The following USP47 variants were observed in gnomAD, a reference collection of about 807,000 sequenced individuals.
The protein encoded by USP47 is ubiquitin specific peptidase 47, also known as ubiquitin carboxyl-terminal hydrolase 47.
In USP47, 35 loss-of-function variants were observed where a neutral mutation model predicts 165.1. The observed-to-expected ratio is 0.21, with a 90% CI of 0.16 to 0.28. The LOEUF (loss-of-function observed/expected upper bound fraction) is 0.28. USP47 is among the 10% of genes least tolerant of loss of function. The probability of loss-of-function intolerance (pLI) is 1.00; values close to 1 mark genes in which losing one functional copy is unlikely to be tolerated. For missense variants in USP47, 1,277 were observed against 1,607.4 expected, an observed-to-expected ratio of 0.79 and a Z score of 3.52; for synonymous variants, 531 against 544.5, an observed-to-expected ratio of 0.98 and a Z score of 0.35.
Position 11,891,954 on chromosome 11 carries a change from A to G in USP47, c.358-14A>G. The stretch of plus-strand genomic sequence containing the variant: ...TTTGCTATTTACTAACTATTTGAAT[A>G]TGTTGCATTTTAGGAGGATTCCAGT... On this transcript the variant is annotated splice_polypyrimidine_tract_variant and intron_variant, in intron 3 of 27. Coordinates refer to ENST00000527733, the MANE Select transcript of USP47 (RefSeq NM_001282659.2). The G allele has an allele frequency of 6.2e-7, 1 of 1,608,158 alleles. No individual in the cohort carries two copies.
chr11:11,955,276 G>A (rs889583975), intron 27 of USP47, 112 bp downstream of exon 27: 10 of 1,305,200 alleles, frequency 7.7e-6, no homozygotes, highest in Admixed American at 2.7e-5. Context: ...GGCACTAACC[G>A]GTAGAAATAC....
At chr11:11,846,154 A>C (rs919694198) in intron 1 of USP47, among the ~76,000 whole-genome samples, 77 of 152,212 alleles carry the variant, frequency 5.1e-4, no homozygotes, top group African/African-American at 1.8e-3. Flanking sequence ...ATTCTGCCGT[A>C]TGTCTTTGAA....
chr11:11,880,439 C>T, intron 2 of USP47, 59 bp downstream of exon 2: 7 of 1,194,986 alleles, frequency 5.9e-6, no homozygotes, highest in Non-Finnish European at 7.4e-6. Flanking sequence ...GTTGTTGTTA[C>T]TGATGATAAT....
At chr11:11,943,738 A>G (rs568384985) in intron 20 of USP47, 1 of 152,280 alleles carries the variant, frequency 6.6e-6, no homozygotes, top group Non-Finnish European at 1.5e-5. Context: ...GAGACTTAAA[A>G]TAAAAGAACC....
chr11:11,855,073 C>T (rs552096874), intron 1 of USP47, among the ~76,000 whole-genome samples: 1 of 147,918 alleles, frequency 6.8e-6, no homozygotes, highest in Non-Finnish European at 1.5e-5. Context: ...CCAGCCTGGG[C>T]GACAGAGCGA....
In USP47 at chr11:11,957,438, A is replaced by G. The variant is rs1486241332; in HGVS notation, c.*1263A>G. 1 of 152,656 alleles carries G rather than the reference A, an allele frequency of 6.6e-6. No homozygotes were observed. Among genetic ancestry groups the G allele is most frequent in the Non-Finnish European group, 1.5e-5 (1 of 68,038 alleles). The allele number at this position is 152,656 out of a possible 1,614,324, so 9.5% of individuals were successfully genotyped here. On this transcript the variant is annotated 3_prime_UTR_variant, in exon 28 of 28. Transcript: ENST00000527733. ...ACCATCTAATTTATAAAAATCAATA[A>G]AAAAGGTTTTGGTAAAACTTTTTCA...
At chr11:11,944,681 A>G (rs1392235509) in intron 20 of USP47, among the ~76,000 whole-genome samples, 1 of 152,194 alleles carries the variant, frequency 6.6e-6, no homozygotes, top group Non-Finnish European at 1.5e-5. Context: ...TGAGACTCAG[A>G]TATCATTAGC....
chr11:11,874,410 A>G (rs1044559747), intron 1 of USP47, among the ~76,000 whole-genome samples: 3 of 152,204 alleles, frequency 2.0e-5, no homozygotes, highest in Non-Finnish European at 2.9e-5. Context: ...GATCATGTAG[A>G]TAACATCAGA....
intron 1 of USP47, among the ~76,000 whole-genome samples, chr11:11,852,406 A>G (rs980475273): frequency 6.6e-5 from 10 of 151,846 alleles, no homozygotes; most frequent in Non-Finnish European, 1.2e-4. Flanking sequence ...AGCTGTTCCA[A>G]TTTTTGCCAG....
At chr11:11,855,802 T>C (rs1451413356) in intron 1 of USP47, among the ~76,000 whole-genome samples, 1 of 152,220 alleles carries the variant, frequency 6.6e-6, no homozygotes, top group African/African-American at 2.4e-5. Context: ...ATTCATTCAG[T>C]TAAACATTGA....
chr11:11,904,203 A>G (rs1031078534), intron 7 of USP47, among the ~76,000 whole-genome samples: 1 of 152,182 alleles, frequency 6.6e-6, no homozygotes, highest in African/African-American at 2.4e-5. Flanking sequence ...GTGATTTGCT[A>G]TTCAGTATTT....
chr11:11,923,513 C>T (rs567366501), intron 11 of USP47, among the ~76,000 whole-genome samples: 2 of 152,114 alleles, frequency 1.3e-5, no homozygotes, highest in Non-Finnish European at 2.9e-5. Flanking sequence ...GATCTTGCCC[C>T]TGTGTCAATA....
intron 8 of USP47, among the ~76,000 whole-genome samples, chr11:11,918,018 C>T (rs998647303): frequency 1.3e-5 from 2 of 152,080 alleles, no homozygotes; most frequent in Admixed American, 6.6e-5. Context: ...TTACAGATTG[C>T]TTATTAGCCG....
rs751702861 is a variant in USP47 at position 11,922,766 on chromosome 11, A to T, written c.1261A>T (p.Asn421Tyr). The change falls in exon 11 of 28, where the codon AAT (asparagine) becomes TAT (tyrosine). Residue 421 changes from asparagine (N) to tyrosine (Y), a missense_variant. By Grantham distance (143) the Asn-to-Tyr change is moderately radical (BLOSUM62 -2). Transcript: ENST00000527733. Reference sequence around the variant, plus strand: ...AAGTTGCACTGACAGTGGAGCAGAAAATGAAGGTAGTTGTCACAGTGATCA... The same window carrying T: ...AAGTTGCACTGACAGTGGAGCAGAATATGAAGGTAGTTGTCACAGTGATCA... ...TESCTDSGAE[N>Y]EGSCHSDQMS... 41 of 1,611,446 alleles carry T rather than the reference A, an allele frequency of 2.5e-5. No homozygotes were observed. The Admixed American group carries it at 6.8e-4, about 27-fold the overall frequency.
chr11:11,878,519 T>C (rs1332319161), intron 1 of USP47: 1 of 152,208 alleles, frequency 6.6e-6, no homozygotes, highest in Non-Finnish European at 1.5e-5. Context: ...TGTAAAATAA[T>C]CTATTAAATG....
intron 4 of USP47, among the ~76,000 whole-genome samples, chr11:11,896,909 A>G (rs1208157254): frequency 6.6e-6 from 1 of 152,118 alleles, no homozygotes; most frequent in Admixed American, 6.6e-5. Flanking sequence ...TGAAAAGCAG[A>G]TAGCTACCAT....
intron 3 of USP47, among the ~76,000 whole-genome samples, chr11:11,886,790 G>C (rs906402725): frequency 6.6e-6 from 1 of 152,012 alleles, no homozygotes; most frequent in Non-Finnish European, 1.5e-5. Context: ...GACAATAATC[G>C]TCAGACTCTC....
chr11:11,882,261 T>G (rs1232450963), intron 2 of USP47, among the ~76,000 whole-genome samples: 11 of 152,134 alleles, frequency 7.2e-5, no homozygotes, highest in Admixed American at 7.2e-4. Flanking sequence ...ATTTCCATAT[T>G]TTTCTGTCTT....
rs1564874278 is a variant in USP47 at position 11,908,569 on chromosome 11, CTTA to C, written c.969+3026_969+3028del. Reference sequence around the variant, plus strand: ...AGGACTGAAAGTAGCACTCATCTAACTTATTATAATATCCACAATCAATTTTTA... The same window carrying C: ...AGGACTGAAAGTAGCACTCATCTAACTTATAATATCCACAATCAATTTTTA... On this transcript the variant is annotated intron_variant, in intron 8 of 27. Transcript: ENST00000527733. 3.3e-5 allele frequency among the ~76,000 whole-genome samples: 5 copies of C among 151,802 alleles called. No homozygotes were observed. The South Asian group carries it at 8.3e-4, about 25-fold the overall frequency.
Sources: allele counts gnomAD v4.1 joint callset (sites outside exome capture counted in the v4.1 genomes callset), GRCh38; gene constraint gnomAD v4.1.1; transcripts MANE v1.5; gene names NCBI Gene and HGNC (gene_info 2026-07-23, HGNC 2026-07-21).